UBE2K: variants seen among roughly 807,000 people sequenced by gnomAD.
UBE2K encodes ubiquitin conjugating enzyme E2 K.
Under a neutral mutation model 30.0 loss-of-function variants are expected in UBE2K, and 6 were observed. That is an observed-to-expected ratio of 0.20 (90% CI 0.11 to 0.39). The LOEUF (loss-of-function observed/expected upper bound fraction) is 0.39. Among genes scored for constraint, UBE2K ranks in the 10% least tolerant of loss-of-function variants. The pLI is 1.00. For synonymous variants in UBE2K, 86 were observed against 83.7 expected (o/e 1.03, Z -0.15); for missense variants, 61 against 241.6 (o/e 0.25, Z 4.96).
intron 1 of UBE2K, among the ~76,000 whole-genome samples, chr4:39,713,302 T>TTTTTTTTTTTTTTA (rs1718820020): frequency 2.1e-5 from 3 of 145,742 alleles, no homozygotes; most frequent in South Asian, 2.2e-4. Context: ...TTTTTTTTTT[T>TTTTTTTTTTTTTTA]GAGACAGTTC....
intron 5 of UBE2K, among the ~76,000 whole-genome samples, chr4:39,776,828 G>A (rs1320751771): frequency 6.6e-6 from 1 of 152,050 alleles, no homozygotes; most frequent in Non-Finnish European, 1.5e-5. Flanking sequence ...CATGGCTTGT[G>A]TTCCAGCTTT....
intron 2 of UBE2K, among the ~76,000 whole-genome samples, chr4:39,739,500 GC>G (rs1416933742): frequency 1.5e-5 from 2 of 131,372 alleles, no homozygotes; most frequent in African/African-American, 6.1e-5. Flanking sequence ...ACGCTGGAGT[GC>G]AGTGGTACGA....
chr4:39,764,274 G>T (rs1317957330), intron 4 of UBE2K, among the ~76,000 whole-genome samples: 1 of 152,190 alleles, frequency 6.6e-6, no homozygotes, highest in Non-Finnish European at 1.5e-5. Context: ...GAAAGTCAGG[G>T]CTGCAGTGAG....
chr4:39,760,192 A>AAAC (rs1711820475), intron 4 of UBE2K, among the ~76,000 whole-genome samples: 3 of 68,552 alleles, frequency 4.4e-5, no homozygotes, highest in Non-Finnish European at 5.6e-5. Context: ...AAAAAAAAAA[A>AAAC]CAGAAAAAAA....
rs1024908935 is a variant in UBE2K at position 39,703,406 on chromosome 4, C to T, written c.63+5016C>T. On this transcript the variant is annotated intron_variant, in intron 1 of 6. Coordinates refer to ENST00000261427, the MANE Select transcript of UBE2K (RefSeq NM_005339.5). ...GTATGTGCCTATAGTGGCAGCTACT[C>T]GGGAGGCCGAGGCTGGAGGATGCTT... 9.2e-5 allele frequency among the ~76,000 whole-genome samples: 14 copies of T among 151,990 alleles called. No individual in the cohort carries two copies. In the East Asian group the frequency reaches 1.2e-3, roughly 13 times the overall value.
intron 2 of UBE2K, among the ~76,000 whole-genome samples, chr4:39,737,951 C>T (rs745308982): frequency 1.3e-5 from 2 of 152,072 alleles, no homozygotes; most frequent in African/African-American, 4.8e-5. Context: ...TTCATACAGG[C>T]TGTAGTCCAA....
At chr4:39,760,176 CAA>C (rs71194913) in intron 4 of UBE2K, among the ~76,000 whole-genome samples, 18 of 77,178 alleles carry the variant, frequency 2.3e-4, no homozygotes, top group East Asian at 1.4e-3. Flanking sequence ...GACTCTGTCA[CAA>C]AAAAAAAAAA....
At chr4:39,771,140 T>G (rs1712792324) in intron 4 of UBE2K, 18 of 1,612,646 alleles carry the variant, frequency 1.1e-5, no homozygotes, top group Middle Eastern at 1.7e-4. Context: ...TAGTTGACGA[T>G]GTCCCTAACA....
At chr4:39,716,362 C>T (rs1719060937) in intron 1 of UBE2K, among the ~76,000 whole-genome samples, 1 of 152,164 alleles carries the variant, frequency 6.6e-6, no homozygotes, top group Non-Finnish European at 1.5e-5. Flanking sequence ...ATCCTCCCAC[C>T]ACAGCCTCCC....
In UBE2K at chr4:39,716,156, C is replaced by G. The variant is rs149712845; in HGVS notation, c.63+17766C>G. On this transcript the variant is annotated intron_variant, in intron 1 of 6. Coordinates refer to ENST00000261427, the MANE Select transcript of UBE2K (RefSeq NM_005339.5). ...ATATTGTCACTGATTTACCTTTCAT[C>G]CTCCACTTGTCTCTGGAATGTTTGT... Among the ~76,000 whole-genome samples, 241 of 152,318 alleles carry G rather than the reference C, an allele frequency of 1.6e-3. 1 individual carries two copies. The highest frequency in any genetic ancestry group is 5.5e-3 in the African/African-American group (229 of 41,574).
At chr4:39,734,799 G>C (rs567695299) in intron 1 of UBE2K, among the ~76,000 whole-genome samples, 2 of 152,294 alleles carry the variant, frequency 1.3e-5, no homozygotes, top group South Asian at 4.1e-4. Flanking sequence ...TGATGGGAGT[G>C]AGACCGTGTC....
chr4:39,739,912 AATTTT>A (rs1353371527), intron 2 of UBE2K, among the ~76,000 whole-genome samples: 2 of 152,092 alleles, frequency 1.3e-5, no homozygotes, highest in Non-Finnish European at 2.9e-5. Flanking sequence ...TAAGTGATAA[AATTTT>A]ATTTTTTGTT....
Position 39,766,987 on chromosome 4 carries a change from G to A in UBE2K, c.300-7847G>A, listed in dbSNP as rs187197374. Among the ~76,000 whole-genome samples the A allele has an allele frequency of 4.6e-4, 70 of 152,298 alleles. 2 individuals are homozygous for A. In the South Asian group the frequency reaches 9.1e-3, roughly 20 times the overall value. Reference sequence around the variant, plus strand: ...GCTGGTCTCGAACTCCTGACCTCAGGTGATCCACCTGCCTCAGCTTCCCAG... The same window carrying A: ...GCTGGTCTCGAACTCCTGACCTCAGATGATCCACCTGCCTCAGCTTCCCAG... On this transcript the variant is annotated intron_variant, in intron 4 of 6. Coordinates refer to ENST00000261427, the MANE Select transcript of UBE2K (RefSeq NM_005339.5).
chr4:39,704,084 T>C (rs952281020), intron 1 of UBE2K, among the ~76,000 whole-genome samples: 5 of 151,816 alleles, frequency 3.3e-5, no homozygotes, highest in African/African-American at 1.2e-4. Flanking sequence ...GTAACGAGAA[T>C]TTGAACAGTT....
intron 4 of UBE2K, chr4:39,770,760 C>T: frequency 2.5e-6 from 4 of 1,583,344 alleles, no homozygotes; most frequent in South Asian, 2.3e-5. Flanking sequence ...CCCTCCCAGG[C>T]CTCCAGGGGG....
At chr4:39,739,148 C>T (rs1183920418) in intron 2 of UBE2K, among the ~76,000 whole-genome samples, 1 of 151,990 alleles carries the variant, frequency 6.6e-6, no homozygotes, top group East Asian at 1.9e-4. Flanking sequence ...CTGCCTCAGC[C>T]TTCCGAGCAG....
At chr4:39,767,734 G>GC (rs1209181035) in intron 4 of UBE2K, among the ~76,000 whole-genome samples, 6 of 152,048 alleles carry the variant, frequency 3.9e-5, no homozygotes, top group East Asian at 3.9e-4. Context: ...TATTTTACAT[G>GC]CCTTTATGTT....
intron 1 of UBE2K, among the ~76,000 whole-genome samples, chr4:39,712,861 C>CT (rs542180052): frequency 2.2e-3 from 292 of 133,694 alleles, no homozygotes; most frequent in African/African-American, 3.5e-3. Context: ...TTAGTGTTTA[C>CT]TTTTTTTTTT....
In UBE2K at chr4:39,704,117, G is replaced by A. The variant is rs554758165; in HGVS notation, c.63+5727G>A. On this transcript the variant is annotated intron_variant, in intron 1 of 6. Transcript: ENST00000261427. Reference sequence around the variant, plus strand: ...GTTGTTTCTAAGACTAGAGGCAGGCGTGGTGGCTCACATCGGTAATTGCAG... The same window carrying A: ...GTTGTTTCTAAGACTAGAGGCAGGCATGGTGGCTCACATCGGTAATTGCAG... 2.2e-3 allele frequency among the ~76,000 whole-genome samples: 335 copies of A among 151,736 alleles called. 4 individuals carry two copies. The highest frequency in any genetic ancestry group is 3.9e-3 in the Non-Finnish European group (267 of 67,862).
Sources: gnomAD v4.1 joint callset for allele counts (sites outside exome capture counted in the v4.1 genomes callset) on GRCh38, gnomAD v4.1.1 for gene constraint, MANE v1.5 for transcripts, NCBI Gene and HGNC (gene_info 2026-07-23, HGNC 2026-07-21) for gene names.